Variants in PRELID2 observed in about 807,000 individuals in gnomAD.
The protein encoded by PRELID2 is PRELI domain containing 2, also known as PRELI domain-containing protein 2.
PRELID2 carries 25 observed loss-of-function variants against 28.4 expected under a neutral mutation model. The ratio of observed to expected loss-of-function variants is 0.88; its 90% CI spans 0.64 to 1.23. The LOEUF is 1.23. PRELID2 is among the 50% of genes most tolerant of loss of function. The pLI, the probability that PRELID2 is intolerant of heterozygous loss-of-function variation, is 0.00. For missense variants in PRELID2, 201 were observed against 214.4 expected (o/e 0.94, Z 0.39); for synonymous variants, 76 against 71.6 (o/e 1.06, Z -0.31).
intron 1 of PRELID2, among the ~76,000 whole-genome samples, chr5:145,665,463 C>T (rs1318562367): frequency 6.6e-6 from 1 of 152,106 alleles, no homozygotes; most frequent in Non-Finnish European, 1.5e-5. Flanking sequence ...TCTAAGTCAA[C>T]TTTTCTGCTT....
At chr5:145,579,512 G>A (rs1753090025) in intron 1 of PRELID2, among the ~76,000 whole-genome samples, 1 of 152,066 alleles carries the variant, frequency 6.6e-6, no homozygotes, top group Non-Finnish European at 1.5e-5. Context: ...GCCATGACAA[G>A]AGGAGTCAAG....
At chr5:145,263,597 C>A in the PRELID2 span, among the ~76,000 whole-genome samples, 1 of 151,362 alleles carries the variant, frequency 6.6e-6, no homozygotes, top group Non-Finnish European at 1.5e-5. Context: ...CAAAATTAAC[C>A]AAGAAAAGAA....
chr5:145,584,011 A>G (rs1038534483), intron 1 of PRELID2, among the ~76,000 whole-genome samples: 1 of 152,150 alleles, frequency 6.6e-6, no homozygotes. Flanking sequence ...ACAAAGCTGG[A>G]GGCATCACAC....
the PRELID2 span, among the ~76,000 whole-genome samples, chr5:145,289,043 C>T: frequency 5.9e-5 from 9 of 152,184 alleles, no homozygotes; most frequent in East Asian, 1.7e-3. Context: ...CACTGTTTCC[C>T]ATTACTTCCT....
intron 1 of PRELID2, among the ~76,000 whole-genome samples, chr5:145,642,243 A>ATTTGCG (rs1355917293): frequency 6.6e-6 from 1 of 151,970 alleles, no homozygotes; most frequent in East Asian, 1.9e-4. Flanking sequence ...TGTGGTTTTG[A>ATTTGCG]TTTGCGTTTC....
intron 1 of PRELID2, among the ~76,000 whole-genome samples, chr5:145,619,605 C>A (rs1753747008): frequency 6.6e-6 from 1 of 152,176 alleles, no homozygotes; most frequent in African/African-American, 2.4e-5. Context: ...GTCTGAGGGT[C>A]CTCTCGGTTT....
At chr5:145,575,624 C>T (rs1753054238) in intron 1 of PRELID2, among the ~76,000 whole-genome samples, 2 of 152,124 alleles carry the variant, frequency 1.3e-5, no homozygotes, top group East Asian at 1.9e-4. Flanking sequence ...AAAATAAATA[C>T]CTAATCACAT....
At chr5:145,604,884 T>C (rs1580997233) in intron 1 of PRELID2, among the ~76,000 whole-genome samples, 1 of 82,384 alleles carries the variant, frequency 1.2e-5, no homozygotes, top group Admixed American at 1.2e-4. Context: ...TTGTTGGCCA[T>C]ATATATATAT....
the PRELID2 span, among the ~76,000 whole-genome samples, chr5:145,426,259 T>C: frequency 1.3e-5 from 2 of 152,118 alleles, no homozygotes; most frequent in Non-Finnish European, 2.9e-5. Context: ...AAATAAGTTG[T>C]CCCCTCAAGA....
the PRELID2 span, among the ~76,000 whole-genome samples, chr5:145,411,055 C>T: frequency 6.6e-6 from 1 of 152,020 alleles, no homozygotes; most frequent in Non-Finnish European, 1.5e-5. Context: ...CAAGTGTGAA[C>T]TCTAACAGGT....
intron 1 of PRELID2, among the ~76,000 whole-genome samples, chr5:145,563,340 G>A (rs1368186539): frequency 6.6e-6 from 1 of 152,120 alleles, no homozygotes; most frequent in Non-Finnish European, 1.5e-5. Flanking sequence ...CAGATTCCTG[G>A]TGACTAAATG....
chr5:145,709,076 C>T (rs1433028), intron 1 of PRELID2, among the ~76,000 whole-genome samples: 33,533 of 152,170 alleles, frequency 0.22, 4,872 homozygotes, highest in African/African-American at 0.41. Flanking sequence ...CTAGACCTGA[C>T]TGCAAGACCA....
chr5:145,786,205 C>T (rs187192333), intron 5 of PRELID2, among the ~76,000 whole-genome samples: 260 of 152,318 alleles, frequency 1.7e-3, no homozygotes, highest in Admixed American at 3.5e-3. Flanking sequence ...TACAACTCAG[C>T]ATACAGGTTG....
intron 1 of PRELID2, among the ~76,000 whole-genome samples, chr5:145,641,805 G>T (rs768191798): frequency 1.3e-5 from 2 of 152,156 alleles, no homozygotes; most frequent in South Asian, 2.1e-4. Flanking sequence ...TGAGAATGAC[G>T]GTTTCCAGCT....
chr5:145,808,139 T>C (rs1324392012), intron 4 of PRELID2, among the ~76,000 whole-genome samples: 1 of 152,156 alleles, frequency 6.6e-6, no homozygotes, highest in African/African-American at 2.4e-5. Context: ...AGTCATGTTT[T>C]GGGACGAATA....
the PRELID2 span, among the ~76,000 whole-genome samples, chr5:145,441,904 A>G: frequency 6.6e-6 from 1 of 152,108 alleles, no homozygotes; most frequent in Non-Finnish European, 1.5e-5. Flanking sequence ...TCTTCATTGC[A>G]TAATGCGATT....
At chr5:145,781,223 C>T (rs1479739996) in intron 5 of PRELID2, among the ~76,000 whole-genome samples, 1 of 152,152 alleles carries the variant, frequency 6.6e-6, no homozygotes, top group Non-Finnish European at 1.5e-5. Context: ...AGGGGAACAG[C>T]TGGACACCTC....
the PRELID2 span, among the ~76,000 whole-genome samples, chr5:145,379,730 G>A: frequency 6.6e-5 from 10 of 152,258 alleles, no homozygotes; most frequent in Non-Finnish European, 7.4e-5. Flanking sequence ...CCAAGGGGAA[G>A]CTACAGCATA....
the PRELID2 span, among the ~76,000 whole-genome samples, chr5:145,288,121 T>A: frequency 2.2e-3 from 330 of 152,212 alleles, 2 homozygotes; most frequent in African/African-American, 7.6e-3. Context: ...GTACTATTAG[T>A]TTCCTACACT....
Sources: gnomAD v4.1 joint callset for allele counts (sites outside exome capture counted in the v4.1 genomes callset) on GRCh38, gnomAD v4.1.1 for gene constraint, MANE v1.5 for transcripts, NCBI Gene and HGNC (gene_info 2026-07-23, HGNC 2026-07-21) for gene names.